The following C15orf39 variants were observed in gnomAD, a reference collection of about 807,000 sequenced individuals.
C15orf39 encodes the protein PRMT2 interacting protein, also known as uncharacterized protein C15orf39.
A neutral mutation model predicts 53.9 loss-of-function variants in C15orf39; 24 were observed. The observed-to-expected ratio is 0.45, with a 90% CI of 0.32 to 0.63. The LOEUF (loss-of-function observed/expected upper bound fraction) is 0.63, where lower values mean the gene tolerates loss of function less well. Among genes scored for constraint, C15orf39 ranks in the 20% least tolerant of loss-of-function variants. C15orf39 has a pLI of 0.04. For synonymous variants in C15orf39, 569 were observed against 576.5 expected, an observed-to-expected ratio of 0.99 and a Z score of 0.19; for missense variants, 1,271 against 1,347.9, an observed-to-expected ratio of 0.94 and a Z score of 0.89.
At position 75,207,032 on chromosome 15, in the gene C15orf39, G is replaced by A. The variant is rs1340527596; in HGVS notation, c.984G>A (p.Gln328=). 6.2e-7 allele frequency: 1 copy of A among 1,606,932 alleles called. No individual in the cohort carries two copies. Among genetic ancestry groups the A allele is most frequent in the South Asian group, 1.1e-5 (1 of 89,988 alleles). Reference sequence around the variant, plus strand: ...TGGGCAGCCCCTACCTGAGGCAGCAGGCAGCCCAGGCACCTTACATTCCCC... The same window carrying A: ...TGGGCAGCCCCTACCTGAGGCAGCAAGCAGCCCAGGCACCTTACATTCCCC... ...GGLGSPYLRQ[Q]AAQAPYIPPL... is the part of the protein sequence containing the mutation. Residue 328 remains glutamine, a synonymous_variant, in exon 2 of 3, where the codon CAG becomes CAA. Transcript: ENST00000394987.
At chr15:75,199,454 C>T (rs2070388728), upstream of C15orf39, among the ~76,000 whole-genome samples, 1 of 152,204 alleles carries the variant, frequency 6.6e-6, no homozygotes, top group Admixed American at 6.5e-5. Flanking sequence ...TGCCATACTT[C>T]TCTGTTTCTC....
At chr15:75,200,125 G>A (rs1451518041), upstream of C15orf39, among the ~76,000 whole-genome samples, 3 of 152,126 alleles carry the variant, frequency 2.0e-5, no homozygotes, top group Non-Finnish European at 4.4e-5. Flanking sequence ...CTCTCTTTTT[G>A]CAATGAGGAA....
intron 1 of C15orf39, among the ~76,000 whole-genome samples, chr15:75,203,509 T>C (rs568246097): frequency 5.3e-5 from 8 of 152,330 alleles, no homozygotes; most frequent in African/African-American, 1.9e-4. Context: ...CACCTCCTAC[T>C]GGCAGGAGAT....
chr15:75,200,897 G>A (rs185400252), upstream of C15orf39, among the ~76,000 whole-genome samples: 3 of 136,604 alleles, frequency 2.2e-5, no homozygotes, highest in Admixed American at 2.4e-4. Flanking sequence ...CTCAGCTCCA[G>A]CTGCTCCAGC....
chr15:75,209,001 G>A, intron 2 of C15orf39, 177 bp downstream of exon 2: 4 of 1,095,636 alleles, frequency 3.7e-6, no homozygotes, highest in Non-Finnish European at 5.0e-6. Flanking sequence ...CAATCAGTGA[G>A]CACCTTCATA....
At chr15:75,205,720 T>C (rs1326020131) in intron 1 of C15orf39, among the ~76,000 whole-genome samples, 2 of 151,092 alleles carry the variant, frequency 1.3e-5, no homozygotes, top group East Asian at 1.9e-4. Flanking sequence ...AACCTGGGAG[T>C]TGGGAGAATC....
chr15:75,204,075 C>T (rs945308163), intron 1 of C15orf39, among the ~76,000 whole-genome samples: 1 of 152,168 alleles, frequency 6.6e-6, no homozygotes, highest in Non-Finnish European at 1.5e-5. Flanking sequence ...CAAAATGTGC[C>T]GGTCTAACTC....
At position 75,207,131 on chromosome 15, in the gene C15orf39, G is replaced by A. The variant is rs368838303; in HGVS notation, c.1083G>A (p.Pro361=). Residue 361 remains proline (P), a synonymous_variant, in exon 2 of 3, where the codon CCG becomes CCA. Coordinates refer to ENST00000394987, the MANE Select transcript of C15orf39 (RefSeq NM_015492.5). ...PAPSPGLKLE[P]PLTPRCPLDF... ...CCTCTCCAGGCCTCAAGCTGGAGCC[G>A]CCTCTCACTCCACGGTGCCCATTGG... is the stretch of plus-strand genomic sequence containing the variant. 2.7e-4 allele frequency: 429 copies of A among 1,613,696 alleles called. 3 individuals carry two copies. The highest frequency in any genetic ancestry group is 9.8e-4 in the South Asian group (89 of 91,070).
In C15orf39 at chr15:75,210,756, T is replaced by C; in HGVS notation, c.2784T>C (p.Phe928=). The C allele has an allele frequency of 6.2e-7, 1 of 1,600,292 alleles. No individual in the cohort carries two copies. The highest frequency in any genetic ancestry group is 1.1e-5 in the South Asian group (1 of 90,660). The change falls in exon 3 of 3, where the codon TTT becomes TTC. Residue 928 remains phenylalanine, a synonymous_variant. Coordinates refer to ENST00000394987, the MANE Select transcript of C15orf39 (RefSeq NM_015492.5). ...RDCVRRQLGD[F]DTEAGAVSSS... ...TATGTGTTCGTTTTCCAGGTGACTT[T>C]GACACTGAGGCTGGAGCTGTGTCCT...
intron 2 of C15orf39, 28 bp from the exon 3 acceptor site, chr15:75,210,721 G>T: frequency 6.3e-7 from 1 of 1,578,456 alleles, no homozygotes; most frequent in Non-Finnish European, 8.6e-7. Context: ...TATGGGGTCT[G>T]CAGGCTGACT....
In C15orf39 at chr15:75,208,615, G is replaced by A. The variant is rs780577015; in HGVS notation, c.2567G>A (p.Arg856Gln). Residue 856 changes from arginine to glutamine, a missense_variant, in exon 2 of 3, where the codon CGG (arginine) becomes CAG (glutamine). Around this residue, in one of 2 missense-constraint regions of C15orf39, gnomAD observed 277 missense variants for 354.1 expected, o/e 0.78. Transcript: ENST00000394987. ...CTGGTGAAGGAGCGGCTCTTCCCTCGGCTGCCACCCGCTTCTGTGGACCAT... is the reference window on the plus strand; with the variant it reads ...CTGGTGAAGGAGCGGCTCTTCCCTCAGCTGCCACCCGCTTCTGTGGACCAT... ...IHLVKERLFP[R>Q]LPPASVDHVL... 7.5e-5 allele frequency: 119 copies of A among 1,588,422 alleles called. 1 individual carries two copies. In the South Asian group the frequency reaches 1.1e-3, roughly 15 times the overall value.
intron 2 of C15orf39, 43 bp from the exon 3 acceptor site, chr15:75,210,706 G>A: frequency 6.4e-7 from 1 of 1,552,108 alleles, no homozygotes; most frequent in Non-Finnish European, 8.7e-7. Flanking sequence ...GGTGGGACCT[G>A]AGGGTATGGG....
intron 1 of C15orf39, among the ~76,000 whole-genome samples, chr15:75,203,687 GGA>G (rs1272686228): frequency 6.6e-6 from 1 of 152,180 alleles, no homozygotes; most frequent in Non-Finnish European, 1.5e-5. Flanking sequence ...CTGAGACCCA[GGA>G]GAGAGGGACT....
At chr15:75,204,643 G>GC (rs2070426005) in intron 1 of C15orf39, among the ~76,000 whole-genome samples, 1 of 152,228 alleles carries the variant, frequency 6.6e-6, no homozygotes, top group Non-Finnish European at 1.5e-5. Context: ...GCGTAGCTGG[G>GC]ATTACAGGCA....
chr15:75,210,874 C>T lies in C15orf39; in HGVS notation c.2902C>T (p.Pro968Ser). 6.2e-7 allele frequency: 1 copy of T among 1,613,808 alleles called. No individual in the cohort carries two copies. The highest frequency in any genetic ancestry group is 8.5e-7 in the Non-Finnish European group (1 of 1,179,996). Residue 968 changes from proline to serine, a missense_variant, in exon 3 of 3, where the codon CCA becomes TCA. Coordinates refer to ENST00000394987, the MANE Select transcript of C15orf39 (RefSeq NM_015492.5). ...CAAGGTCAGGAAGCCAGGCAGGAAG[C>T]CACCAACCCCTGGCCCGGAGAAAGC... ...APKVRKPGRKPPTPGPEKAEA... is the reference protein window; with the variant it reads ...APKVRKPGRKSPTPGPEKAEA...
rs2070440687 is a variant in C15orf39, at chr15:75,206,655, T to C, written c.607T>C (p.Ser203Pro). 6.2e-7 allele frequency: 1 copy of C among 1,613,648 alleles called. No individual in the cohort carries two copies. The highest frequency in any genetic ancestry group is 1.1e-5 in the South Asian group (1 of 91,084). Residue 203 changes from serine (S) to proline (P), a missense_variant, in exon 2 of 3, where the codon TCC becomes CCC. Coordinates refer to ENST00000394987, the MANE Select transcript of C15orf39 (RefSeq NM_015492.5). Reference sequence around the variant, plus strand: ...GCCAGCTGAGGGGTCCAGTAAAGACTCCTCAGGGAGCTTCTCCCCATGCCA... The same window carrying C: ...GCCAGCTGAGGGGTCCAGTAAAGACCCCTCAGGGAGCTTCTCCCCATGCCA... Reference protein sequence around the residue: ...GVPAEGSSKDSSGSFSPCQPF... With the variant: ...GVPAEGSSKDPSGSFSPCQPF...
chr15:75,202,581 G>T (rs1284249461), intron 1 of C15orf39, among the ~76,000 whole-genome samples: 3 of 150,052 alleles, frequency 2.0e-5, no homozygotes, highest in Non-Finnish European at 4.4e-5. Context: ...AGGCTGGCAG[G>T]ATCGCCCTGA....
Position 75,207,035 on chromosome 15 carries a change from A to G in C15orf39, c.987A>G (p.Ala329=). The G allele has an allele frequency of 6.2e-7, 1 of 1,607,382 alleles. No homozygotes were observed. Among genetic ancestry groups the G allele is most frequent in the South Asian group, 1.1e-5 (1 of 90,110 alleles). ...GCAGCCCCTACCTGAGGCAGCAGGC[A>G]GCCCAGGCACCTTACATTCCCCCAC... is the stretch of plus-strand genomic sequence containing the variant. ...GLGSPYLRQQ[A]AQAPYIPPLG... is the part of the protein sequence containing the mutation. Residue 329 remains alanine (A), a synonymous_variant, in exon 2 of 3, where the codon GCA becomes GCG. Coordinates refer to ENST00000394987, the MANE Select transcript of C15orf39 (RefSeq NM_015492.5).
Position 75,208,638 on chromosome 15 carries a change from C to A in C15orf39, c.2590C>A (p.His864Asn). 1 of 1,602,380 alleles carries A rather than the reference C, an allele frequency of 6.2e-7. No individual in the cohort carries two copies. The highest frequency in any genetic ancestry group is 1.7e-5 in the Admixed American group (1 of 58,502). Residue 864 changes from histidine (H) to asparagine (N), a missense_variant, in exon 2 of 3, where the codon CAT (histidine) becomes AAT (asparagine). Coordinates refer to ENST00000394987, the MANE Select transcript of C15orf39 (RefSeq NM_015492.5). ...FPRLPPASVD[H>N]VLQEHRVELR... ...TCGGCTGCCACCCGCTTCTGTGGACCATGTGCTGCAGGAGCATCGTGTGGA... is the reference window on the plus strand; with the variant it reads ...TCGGCTGCCACCCGCTTCTGTGGACAATGTGCTGCAGGAGCATCGTGTGGA...
Sources: gnomAD v4.1 joint callset for allele counts (sites outside exome capture counted in the v4.1 genomes callset) on GRCh38, gnomAD v4.1.1 for gene constraint, gnomAD v4.1.1 regional missense constraint, MANE v1.5 for transcripts, NCBI Gene and HGNC (gene_info 2026-07-23, HGNC 2026-07-21) for gene names.